The following CUBN variants were observed in gnomAD, a reference collection of about 807,000 sequenced individuals.
CUBN encodes the protein 460 kDa receptor.
In CUBN, 282 loss-of-function variants were observed where a neutral mutation model predicts 405.3. The ratio of observed to expected loss-of-function variants is 0.70; its 90% CI spans 0.63 to 0.77. The LOEUF is 0.77. CUBN is among the 30% of genes least tolerant of loss of function. The pLI, the probability that CUBN is intolerant of heterozygous loss-of-function variation, is 0.00. For synonymous variants in CUBN, 1,684 were observed against 1,617.0 expected, an observed-to-expected ratio of 1.04 and a Z score of -0.99; for missense variants, 4,514 against 4,475.2, an observed-to-expected ratio of 1.01 and a Z score of -0.25.
At chr10:16,852,861 T>A (rs1253938847) in intron 59 of CUBN, among the ~76,000 whole-genome samples, 2 of 152,172 alleles carry the variant, frequency 1.3e-5, no homozygotes, top group Non-Finnish European at 2.9e-5. Flanking sequence ...ATTTACACAG[T>A]GTGATAGAAA....
At chr10:17,052,451 G>A (rs866275563) in intron 22 of CUBN, among the ~76,000 whole-genome samples, 21 of 150,428 alleles carry the variant, frequency 1.4e-4, no homozygotes, top group Admixed American at 1.1e-3. Context: ...ATAGTAAGGT[G>A]AATTTATAAT....
rs769425968 is a variant in CUBN, at chr10:16,840,476, A to G, written c.9886T>C (p.Ser3296Pro). 6.8e-6 allele frequency: 11 copies of G among 1,613,652 alleles called. No homozygotes were observed. In the South Asian group the frequency reaches 8.8e-5, roughly 13 times the overall value. ...WTPQNISSPN[S>P]SDPDVPFSIC... Reference sequence around the variant, plus strand: ...GAAAATGGGACATCTGGGTCTGATGAATTGGGTGATGAAATATTTTGTGGG... The same window carrying G: ...GAAAATGGGACATCTGGGTCTGATGGATTGGGTGATGAAATATTTTGTGGG... Residue 3296 changes from serine (S) to proline (P), a missense_variant, in exon 62 of 67, where the codon TCA (serine) becomes CCA (proline). This residue lies in a region of CUBN where 1,186 missense variants were observed against 1,186.9 expected (regional missense o/e 1.00). Coordinates refer to ENST00000377833, the MANE Select transcript of CUBN (RefSeq NM_001081.4).
At chr10:16,850,589 A>G (rs1187687828) in intron 60 of CUBN, among the ~76,000 whole-genome samples, 2 of 152,112 alleles carry the variant, frequency 1.3e-5, no homozygotes, top group African/African-American at 2.4e-5. Context: ...CTCCTGCCTC[A>G]GCCTCTGGAG....
chr10:17,028,973 C>T (rs1001247148), intron 27 of CUBN, among the ~76,000 whole-genome samples: 2 of 152,194 alleles, frequency 1.3e-5, no homozygotes, highest in Non-Finnish European at 2.9e-5. Context: ...TGGAAGAGAC[C>T]TTTCGGTTGC....
At chr10:16,843,390 A>G (rs571432859) in intron 60 of CUBN, among the ~76,000 whole-genome samples, 16 of 152,350 alleles carry the variant, frequency 1.1e-4, no homozygotes, top group Admixed American at 5.2e-4. Flanking sequence ...ACATTATTCT[A>G]AAGTGCTAGG....
intron 32 of CUBN, among the ~76,000 whole-genome samples, chr10:16,953,011 T>C (rs1012978248): frequency 6.6e-6 from 1 of 152,110 alleles, no homozygotes. Flanking sequence ...GGGATGTGGG[T>C]GACTGACGCT....
chr10:16,826,886 AC>A (rs1838801411), intron 66 of CUBN, among the ~76,000 whole-genome samples: 1 of 152,078 alleles, frequency 6.6e-6, no homozygotes, highest in Non-Finnish European at 1.5e-5. Flanking sequence ...CCACAAAAAA[AC>A]CCCTACCAAT....
rs570489653 is a variant in CUBN at position 17,111,448 on chromosome 10, T to C, written c.884-398A>G. 3.3e-5 allele frequency among the ~76,000 whole-genome samples: 5 copies of C among 152,252 alleles called. No individual in the cohort carries two copies. In the South Asian group the frequency reaches 6.2e-4, roughly 19 times the overall value. ...ACTGGTATAAGTAGGTAAGAGGATGTCTACCGCAGCACTGTTTAATAGGGA... is the reference window on the plus strand; with the variant it reads ...ACTGGTATAAGTAGGTAAGAGGATGCCTACCGCAGCACTGTTTAATAGGGA... On this transcript the variant is annotated intron_variant, in intron 8 of 66. Coordinates refer to ENST00000377833, the MANE Select transcript of CUBN (RefSeq NM_001081.4).
rs141773881 is a variant in CUBN, at chr10:16,899,123, T to A, written c.8471A>T (p.Asn2824Ile). The change falls in exon 54 of 67, where the codon AAT (asparagine) becomes ATT (isoleucine). Residue 2824 changes from asparagine (N) to isoleucine (I), a missense_variant. By Grantham distance (149) the Asn-to-Ile change is moderately radical. This residue lies in a region of CUBN where 1,186 missense variants were observed against 1,186.9 expected (regional missense o/e 1.00). Transcript: ENST00000377833. ...GGAACATCTGCTGTTTTCGGGAAAA[T>A]TCTGAGGCCAGTGAGGGGATCTGAT... is the stretch of plus-strand genomic sequence containing the variant. ...GTIRSPHWPQ[N>I]FPENSRCSWT... The A allele has an allele frequency of 6.2e-7, 1 of 1,613,944 alleles. No homozygotes were observed. The highest frequency in any genetic ancestry group is 1.3e-5 in the African/African-American group (1 of 74,922).
At chr10:16,917,475 T>C (rs925191832) in intron 45 of CUBN, among the ~76,000 whole-genome samples, 1 of 152,146 alleles carries the variant, frequency 6.6e-6, no homozygotes, top group African/African-American at 2.4e-5. Flanking sequence ...AGTATACTGT[T>C]AGAAAAGTTA....
intron 59 of CUBN, among the ~76,000 whole-genome samples, chr10:16,852,635 C>T (rs1417263568): frequency 3.3e-5 from 5 of 152,162 alleles, no homozygotes; most frequent in Non-Finnish European, 5.9e-5. Flanking sequence ...GTTCTACAGA[C>T]GTTTTTGGGA....
chr10:16,888,530 A>G lies in CUBN; in HGVS notation c.8792T>C (p.Ile2931Thr). The change falls in exon 56 of 67, where the codon ATC becomes ACC. Residue 2931 changes from isoleucine to threonine, a missense_variant. Physicochemically the swap from Ile to Thr is moderately conservative, Grantham distance 89. Around this residue, in one of 5 missense-constraint regions of CUBN, gnomAD observed 1,186 missense variants for 1,186.9 expected, o/e 1.00. Coordinates refer to ENST00000377833, the MANE Select transcript of CUBN (RefSeq NM_001081.4). ...TTGTTTTGGGTAATTTGGAGAAATG[A>G]TGTAACCTGAAGGGCCAGTGAAATT... ...GSNFTGPSGYIISPNYPKQYD... is the reference protein window; with the variant it reads ...GSNFTGPSGYTISPNYPKQYD... 1 of 1,613,728 alleles carries G rather than the reference A, an allele frequency of 6.2e-7. No individual in the cohort carries two copies.
chr10:17,032,260 C>T (rs1399964111), intron 27 of CUBN, among the ~76,000 whole-genome samples: 1 of 152,164 alleles, frequency 6.6e-6, no homozygotes, highest in Non-Finnish European at 1.5e-5. Context: ...TAAGCATTTC[C>T]TGAGGACTCA....
Position 16,990,604 on chromosome 10 carries a change from A to C in CUBN, c.4169-89T>G, listed in dbSNP as rs972967153. The C allele has an allele frequency of 5.6e-6, 6 of 1,065,798 alleles. No individual in the cohort carries two copies. The Admixed American group carries it at 1.0e-4, about 18-fold the overall frequency. The allele number at this position is 1,065,798 out of a possible 1,614,324, so 66.0% of individuals were successfully genotyped here. A position where few individuals can be genotyped will look rare whatever the true frequency, so the allele number is the denominator to read the frequency against. On this transcript the variant is annotated intron_variant, in intron 28 of 66. Transcript: ENST00000377833. ...ATTCAACTCACCGAAAGGCCATCAA[A>C]AATATACAATGCTTAATTTAGGAGA... is the stretch of plus-strand genomic sequence containing the variant.
At chr10:16,886,315 AACC>A (rs1304634916) in intron 56 of CUBN, among the ~76,000 whole-genome samples, 10 of 152,198 alleles carry the variant, frequency 6.6e-5, no homozygotes, top group Non-Finnish European at 1.5e-4. Flanking sequence ...CATTTTTATA[AACC>A]ATACATTTCC....
chr10:17,023,539 G>A (rs1172130573), intron 27 of CUBN: 1 of 445,840 alleles, frequency 2.2e-6, no homozygotes, highest in African/African-American at 2.0e-5. Context: ...ATTTTTCAAA[G>A]TATACAAATA....
At chr10:17,025,982 G>C (rs943586472) in intron 27 of CUBN, among the ~76,000 whole-genome samples, 8 of 152,158 alleles carry the variant, frequency 5.3e-5, no homozygotes, top group Admixed American at 5.2e-4. Flanking sequence ...GGTGGATAGA[G>C]TCCACTGGCA....
chr10:16,945,491 G>C (rs1043542812), intron 36 of CUBN, among the ~76,000 whole-genome samples: 1 of 152,124 alleles, frequency 6.6e-6, no homozygotes, highest in African/African-American at 2.4e-5. Flanking sequence ...AACCAGGCCA[G>C]GCACGGTGGC....
At position 16,915,016 on chromosome 10, in the gene CUBN, G is replaced by A. The variant is rs1351675751; in HGVS notation, c.7351+16C>T. 3 of 1,610,914 alleles carry A rather than the reference G, an allele frequency of 1.9e-6. No individual in the cohort carries two copies. Among genetic ancestry groups the A allele is most frequent in the Admixed American group, 1.7e-5 (1 of 60,002 alleles). ...GCAGGTGCTCAATGTTGTGTTGAAT[G>A]AATCAATGAACTCACCTTCCATACT... is the stretch of plus-strand genomic sequence containing the variant. On this transcript the variant is annotated intron_variant, in intron 47 of 66. Transcript: ENST00000377833.
Sources: gnomAD v4.1 joint callset for allele counts (sites outside exome capture counted in the v4.1 genomes callset) on GRCh38, gnomAD v4.1.1 for gene constraint, gnomAD v4.1.1 regional missense constraint, MANE v1.5 for transcripts, NCBI Gene and HGNC (gene_info 2026-07-23, HGNC 2026-07-21) for gene names.